FSTL5: variants seen among roughly 807,000 people sequenced by gnomAD.
FSTL5 encodes follistatin like 5.
A neutral mutation model predicts 89.1 loss-of-function variants in FSTL5; 62 were observed. The ratio of observed to expected loss-of-function variants is 0.70; its 90% CI spans 0.57 to 0.86. FSTL5 has a LOEUF of 0.86. Among genes scored for constraint, FSTL5 ranks in the 40% least tolerant of loss-of-function variants. The probability of loss-of-function intolerance (pLI) is 0.00; values close to 1 mark genes in which losing one functional copy is unlikely to be tolerated. For synonymous variants in FSTL5, 383 were observed against 346.2 expected (o/e 1.11, Z -1.18); for missense variants, 1,057 against 1,001.6 (o/e 1.06, Z -0.75).
chr4:161,601,644 C>T (rs1045561483), intron 7 of FSTL5, among the ~76,000 whole-genome samples: 3 of 152,088 alleles, frequency 2.0e-5, no homozygotes, highest in Non-Finnish European at 4.4e-5. Flanking sequence ...GCATAAGAAA[C>T]AACTTCTCTT....
intron 8 of FSTL5, among the ~76,000 whole-genome samples, chr4:161,544,554 T>C (rs1423825453): frequency 6.6e-6 from 1 of 151,886 alleles, no homozygotes; most frequent in Non-Finnish European, 1.5e-5. Flanking sequence ...GCTTAGATAG[T>C]GGTGATGGTT....
chr4:161,617,227 T>C (rs1734905935), intron 7 of FSTL5, among the ~76,000 whole-genome samples: 1 of 151,960 alleles, frequency 6.6e-6, no homozygotes, highest in South Asian at 2.1e-4. Flanking sequence ...AAAAGTCAAT[T>C]AGGGAACTTA....
At chr4:161,961,771 G>T (rs757827556) in intron 3 of FSTL5, among the ~76,000 whole-genome samples, 2 of 151,644 alleles carry the variant, frequency 1.3e-5, no homozygotes, top group African/African-American at 2.4e-5. Flanking sequence ...ATAAATCCTA[G>T]TTAATACCTG....
chr4:161,686,346 A>ATTTT (rs1198667810), intron 6 of FSTL5, among the ~76,000 whole-genome samples: 2 of 12,298 alleles, frequency 1.6e-4, no homozygotes, highest in African/African-American at 4.7e-4. Flanking sequence ...ATATATATAT[A>ATTTT]TTTTTTTTTT....
chr4:161,540,065 T>C (rs904492908), intron 9 of FSTL5, among the ~76,000 whole-genome samples: 1 of 152,178 alleles, frequency 6.6e-6, no homozygotes, highest in Non-Finnish European at 1.5e-5. Context: ...TCTCTTCCTA[T>C]GTAATCTAGC....
rs551738899 is a variant in FSTL5, at chr4:161,710,749, A to G, written c.727+48662T>C. Among the ~76,000 whole-genome samples the G allele has an allele frequency of 5.3e-5, 8 of 152,322 alleles. No homozygotes were observed. The East Asian group carries it at 1.4e-3, about 26-fold the overall frequency. On this transcript the variant is annotated intron_variant, in intron 6 of 15. Coordinates refer to ENST00000306100, the MANE Select transcript of FSTL5 (RefSeq NM_020116.5). ...TGTGGGGGAAGAATGCAATGCTTCT[A>G]TCTTACTGGAATTCAGTTATAAATC...
rs1579117509 is a variant in FSTL5 at position 161,822,655 on chromosome 4, G to A, written c.410-46581C>T. 3.9e-5 allele frequency among the ~76,000 whole-genome samples: 6 copies of A among 152,302 alleles called. No homozygotes were observed. The South Asian group carries it at 1.2e-3, about 32-fold the overall frequency. On this transcript the variant is annotated intron_variant, in intron 4 of 15. Transcript: ENST00000306100. ...GGTCTGGGCTCCCCAAAGGGCCATG[G>A]CTCTTCTCTACTTATCTTCTCTCAT...
At chr4:161,540,183 T>C (rs951549569) in intron 9 of FSTL5, among the ~76,000 whole-genome samples, 2 of 152,148 alleles carry the variant, frequency 1.3e-5, no homozygotes, top group Admixed American at 6.6e-5. Flanking sequence ...AGCTAACCCA[T>C]CTCTGCATCT....
intron 8 of FSTL5, among the ~76,000 whole-genome samples, chr4:161,548,955 T>C (rs1045973562): frequency 3.0e-4 from 46 of 151,882 alleles, no homozygotes; most frequent in Admixed American, 2.6e-4. Flanking sequence ...ATCTTTAATG[T>C]AAATATTAAA....
chr4:161,888,147 C>T (rs1187185016), intron 4 of FSTL5, among the ~76,000 whole-genome samples: 1 of 152,122 alleles, frequency 6.6e-6, no homozygotes, highest in Non-Finnish European at 1.5e-5. Flanking sequence ...TCTTTTCCTC[C>T]TGTGCACAAA....
chr4:161,896,894 T>C (rs921973677), intron 4 of FSTL5, among the ~76,000 whole-genome samples: 2 of 152,138 alleles, frequency 1.3e-5, no homozygotes, highest in African/African-American at 4.8e-5. Flanking sequence ...CTTAGGTGAC[T>C]AAAGATACCA....
intron 15 of FSTL5, among the ~76,000 whole-genome samples, chr4:161,436,630 A>G (rs975948438): frequency 6.6e-6 from 1 of 152,198 alleles, no homozygotes; most frequent in Non-Finnish European, 1.5e-5. Context: ...TTATGTATTA[A>G]GCCATTTTAA....
chr4:161,759,737 T>C (rs994818220), intron 5 of FSTL5, among the ~76,000 whole-genome samples: 2 of 152,222 alleles, frequency 1.3e-5, no homozygotes, highest in African/African-American at 4.8e-5. Context: ...TTAAGATAGG[T>C]AATTACAATT....
chr4:162,063,164 T>C (rs1251137946), intron 2 of FSTL5, among the ~76,000 whole-genome samples: 1 of 151,834 alleles, frequency 6.6e-6, no homozygotes, highest in Admixed American at 6.6e-5. Context: ...ATGTTTATTA[T>C]CATTTGTTGT....
At chr4:161,720,432 G>A (rs1255347858) in intron 6 of FSTL5, among the ~76,000 whole-genome samples, 1 of 152,072 alleles carries the variant, frequency 6.6e-6, no homozygotes, top group Non-Finnish European at 1.5e-5. Context: ...AATCGGTGTA[G>A]TCACTAGGAA....
chr4:162,106,936 G>GA (rs1731247572), intron 2 of FSTL5, among the ~76,000 whole-genome samples: 2 of 152,118 alleles, frequency 1.3e-5, no homozygotes, highest in South Asian at 2.1e-4. Context: ...CAATGCTTCA[G>GA]AAAAAAGAGA....
chr4:161,424,878 G>T (rs1215427424), intron 15 of FSTL5, among the ~76,000 whole-genome samples: 1 of 152,220 alleles, frequency 6.6e-6, no homozygotes, highest in Non-Finnish European at 1.5e-5. Context: ...TAATAGGAGA[G>T]TCCTCTCTGC....
At chr4:161,620,739 G>T (rs1735093780) in intron 7 of FSTL5, among the ~76,000 whole-genome samples, 1 of 152,092 alleles carries the variant, frequency 6.6e-6, no homozygotes, top group South Asian at 2.1e-4. Flanking sequence ...TGATAATTTA[G>T]ATATACAGAA....
intron 4 of FSTL5, among the ~76,000 whole-genome samples, chr4:161,877,596 G>A (rs1279312472): frequency 6.6e-6 from 1 of 151,202 alleles, no homozygotes; most frequent in Admixed American, 6.6e-5. Flanking sequence ...GGAGGCCGAG[G>A]AGGGCGGATC....
Sources: gnomAD v4.1 joint callset for allele counts (sites outside exome capture counted in the v4.1 genomes callset) on GRCh38, gnomAD v4.1.1 for gene constraint, MANE v1.5 for transcripts, NCBI Gene and HGNC (gene_info 2026-07-23, HGNC 2026-07-21) for gene names.